The following TMCC1 variants were observed in gnomAD, a reference collection of about 807,000 sequenced individuals.
The protein encoded by TMCC1 is transmembrane and coiled-coil domains protein 1.
In TMCC1, 15 loss-of-function variants were observed where a neutral mutation model predicts 52.4. The ratio of observed to expected loss-of-function variants is 0.29; its 90% CI spans 0.19 to 0.44. The LOEUF is 0.44. Ranked by LOEUF, TMCC1 falls within the 20% of genes least tolerant of loss-of-function variation. TMCC1 has a pLI of 1.00. For missense variants in TMCC1, 503 were observed against 806.0 expected (o/e 0.62, Z 4.55); for synonymous variants, 279 against 301.9 (o/e 0.92, Z 0.79).
rs373445335 is a variant in TMCC1, at chr3:129,696,346, C to T, written c.577-25082G>A. Among the ~76,000 whole-genome samples, 12 of 152,296 alleles carry T rather than the reference C, an allele frequency of 7.9e-5. No individual in the cohort carries two copies. The East Asian group carries it at 1.4e-3, about 17-fold the overall frequency. On this transcript the variant is annotated intron_variant, in intron 4 of 6. Coordinates refer to ENST00000393238, the MANE Select transcript of TMCC1 (RefSeq NM_001017395.5). ...GCCTATAGCCTGGAAGCCCCTGCTTCGAACTCTCCCGTCTTTGTGGACCAA... is the reference window on the plus strand; with the variant it reads ...GCCTATAGCCTGGAAGCCCCTGCTTTGAACTCTCCCGTCTTTGTGGACCAA...
intron 4 of TMCC1, among the ~76,000 whole-genome samples, chr3:129,758,999 CTTTT>C (rs992379352): frequency 9.9e-5 from 15 of 152,154 alleles, no homozygotes; most frequent in Non-Finnish European, 1.8e-4. Context: ...AACTTCCTTC[CTTTT>C]TAAGGCTGAG....
intron 4 of TMCC1, among the ~76,000 whole-genome samples, chr3:129,749,261 T>C (rs1425659847): frequency 6.6e-6 from 1 of 152,118 alleles, no homozygotes; most frequent in Non-Finnish European, 1.5e-5. Context: ...GATTCTCAGA[T>C]ACCAATTACG....
chr3:129,827,745 A>C lies in TMCC1; in HGVS notation c.576+58T>G, dbSNP rs942455786. 1.8e-5 allele frequency: 28 copies of C among 1,536,904 alleles called. No individual in the cohort carries two copies. The African/African-American group carries it at 3.9e-4, about 21-fold the overall frequency. Reference sequence around the variant, plus strand: ...TTTTAGTTACCAAAGGAAAGTCTGGAGAGTCCTAGGTATGAAAAACAGTAA... The same window carrying C: ...TTTTAGTTACCAAAGGAAAGTCTGGCGAGTCCTAGGTATGAAAAACAGTAA... On this transcript the variant is annotated intron_variant, in intron 4 of 6. Transcript: ENST00000393238.
intron 2 of TMCC1, among the ~76,000 whole-genome samples, chr3:129,844,822 T>C (rs978601373): frequency 4.6e-5 from 7 of 152,216 alleles, no homozygotes; most frequent in African/African-American, 1.7e-4. Context: ...ATGCTACCTG[T>C]GACCCAAAAA....
chr3:129,699,567 A>G (rs1416527706), intron 4 of TMCC1, among the ~76,000 whole-genome samples: 2 of 152,154 alleles, frequency 1.3e-5, no homozygotes, highest in South Asian at 2.1e-4. Context: ...TGGAGCGGCT[A>G]TTCTTTTATT....
chr3:129,837,754 A>C (rs1375888969), intron 2 of TMCC1, among the ~76,000 whole-genome samples: 2 of 152,236 alleles, frequency 1.3e-5, no homozygotes, highest in African/African-American at 4.8e-5. Context: ...AATACAGTAA[A>C]AACTCTAATG....
chr3:129,794,350 A>G (rs1223554925), intron 4 of TMCC1: 1 of 456,144 alleles, frequency 2.2e-6, no homozygotes, highest in Non-Finnish European at 4.4e-6. Context: ...CTGAGGCTAA[A>G]GCGCTGAACC....
rs810750 is a variant in TMCC1 at position 129,838,420 on chromosome 3, G to C, written c.-183-5594C>G. On this transcript the variant is annotated intron_variant, in intron 2 of 6. Transcript: ENST00000393238. ...CAAGACCCTGTCTCAAAAAATAAAA[G>C]AAAAAGAAAAAAAGAAAAAGAAACT... Among the ~76,000 whole-genome samples the C allele has an allele frequency of 0.023, 3,489 of 149,898 alleles. 456 individuals carry two copies. In the East Asian group the frequency reaches 0.39, roughly 17 times the overall value.
At chr3:129,709,474 CAA>C (rs1160022823) in intron 4 of TMCC1, among the ~76,000 whole-genome samples, 2 of 20,520 alleles carry the variant, frequency 9.7e-5, no homozygotes, top group African/African-American at 1.7e-4. Context: ...AGACTTGCCT[CAA>C]AAAAAAAAAA....
At chr3:129,846,475 G>A (rs1305279320) in intron 2 of TMCC1, among the ~76,000 whole-genome samples, 1 of 152,128 alleles carries the variant, frequency 6.6e-6, no homozygotes, top group Non-Finnish European at 1.5e-5. Flanking sequence ...TTGCTACACT[G>A]AAAATTTATT....
Position 129,827,786 on chromosome 3 carries a change from A to C in TMCC1, c.576+17T>G. The stretch of plus-strand genomic sequence containing the variant: ...AAAACAGTAAGTTAACAGAAAAACA[A>C]AATCTTACAAACTTACCCGCTCCGC... On this transcript the variant is annotated intron_variant, in intron 4 of 6. Coordinates refer to ENST00000393238, the MANE Select transcript of TMCC1 (RefSeq NM_001017395.5). 2 of 1,603,748 alleles carry C rather than the reference A, an allele frequency of 1.2e-6. No individual in the cohort carries two copies. The highest frequency in any genetic ancestry group is 1.3e-5 in the African/African-American group (1 of 74,836).
intron 4 of TMCC1, among the ~76,000 whole-genome samples, chr3:129,746,826 G>C (rs968803379): frequency 5.3e-5 from 8 of 152,272 alleles, no homozygotes; most frequent in East Asian, 3.9e-4. Flanking sequence ...GCAATGCCCT[G>C]AACACAGCAG....
chr3:129,829,662 C>T (rs2058819728), intron 3 of TMCC1, among the ~76,000 whole-genome samples: 1 of 152,096 alleles, frequency 6.6e-6, no homozygotes, highest in Admixed American at 6.5e-5. Flanking sequence ...TTAAAACTCC[C>T]TACACTACCA....
At chr3:129,815,006 A>G (rs1431252409) in intron 4 of TMCC1, among the ~76,000 whole-genome samples, 1 of 152,152 alleles carries the variant, frequency 6.6e-6, no homozygotes, top group Non-Finnish European at 1.5e-5. Context: ...CAGATCATCC[A>G]GACAGAAAAT....
At chr3:129,752,600 A>T (rs2052628090) in intron 4 of TMCC1, among the ~76,000 whole-genome samples, 1 of 152,124 alleles carries the variant, frequency 6.6e-6, no homozygotes, top group Non-Finnish European at 1.5e-5. Context: ...TGGGAGGCAG[A>T]GGTTGCAGTG....
At position 129,648,273 on chromosome 3, in the gene TMCC1, A is replaced by G. The variant is rs1046899224; in HGVS notation, c.*3208T>C. On this transcript the variant is annotated 3_prime_UTR_variant, in exon 7 of 7. Coordinates refer to ENST00000393238, the MANE Select transcript of TMCC1 (RefSeq NM_001017395.5). Reference sequence around the variant, plus strand: ...TGACTGTACCTCAAAGGAACATGAAATCAGAAACAAAACCAAATGCAGTGA... The same window carrying G: ...TGACTGTACCTCAAAGGAACATGAAGTCAGAAACAAAACCAAATGCAGTGA... The G allele has an allele frequency of 6.6e-6, 1 of 152,256 alleles. No individual in the cohort carries two copies. Among genetic ancestry groups the G allele is most frequent in the Non-Finnish European group, 1.5e-5 (1 of 68,044 alleles). The allele number at this position is 152,256 out of a possible 1,614,324, so 9.4% of individuals were successfully genotyped here.
chr3:129,825,230 C>A (rs2107827254), intron 4 of TMCC1, among the ~76,000 whole-genome samples: 1 of 152,338 alleles, frequency 6.6e-6, no homozygotes, highest in African/African-American at 2.4e-5. Context: ...TACAGTTCAA[C>A]TAATTCAAAC....
intron 5 of TMCC1, among the ~76,000 whole-genome samples, chr3:129,669,315 C>T (rs780410198): frequency 6.6e-5 from 10 of 152,164 alleles, no homozygotes; most frequent in Non-Finnish European, 1.2e-4. Context: ...CGGGACAGGG[C>T]CAGAACCCAG....
chr3:129,687,399 C>T (rs1375386458), intron 4 of TMCC1, among the ~76,000 whole-genome samples: 1 of 152,176 alleles, frequency 6.6e-6, no homozygotes, highest in African/African-American at 2.4e-5. Context: ...TAATAAAACA[C>T]TTATTAAAGA....
Sources: allele counts gnomAD v4.1 joint callset (sites outside exome capture counted in the v4.1 genomes callset), GRCh38; gene constraint gnomAD v4.1.1; transcripts MANE v1.5; gene names NCBI Gene and HGNC (gene_info 2026-07-23, HGNC 2026-07-21).